CLCC1: variants seen among roughly 807,000 people sequenced by gnomAD.
The protein encoded by CLCC1 is chloride channel CLIC like 1, also known as chloride channel CLIC-like protein 1.
CLCC1 carries 39 observed loss-of-function variants against 63.3 expected under a neutral mutation model. The observed-to-expected ratio is 0.62, with a 90% confidence interval of 0.48 to 0.81. CLCC1 has a LOEUF of 0.81. CLCC1 is among the 30% of genes least tolerant of loss of function. CLCC1 has a pLI of 0.00. For missense variants in CLCC1, 549 were observed against 669.4 expected (o/e 0.82, Z 1.98); for synonymous variants, 217 against 239.8 (o/e 0.90, Z 0.88).
At chr1:108,962,261 C>A (rs1203094552) in intron 2 of CLCC1, 48 bp downstream of exon 2, 3 of 152,192 alleles carry the variant, frequency 2.0e-5, no homozygotes, top group Non-Finnish European at 4.4e-5. Flanking sequence ...AAGAAAAAGT[C>A]TTTGGTTTCA....
Position 108,929,647 on chromosome 1 carries a change from C to T in CLCC1, c.*2900G>A, listed in dbSNP as rs1651554359. ...GTTGTGACTGAGAGATTTAACATAG[C>T]TTGGTGCTTTCTTTCCCACAGTATG... is the stretch of plus-strand genomic sequence containing the variant. On this transcript the variant is annotated 3_prime_UTR_variant, in exon 13 of 13. Transcript: ENST00000369969. 3.2e-6 allele frequency: 5 copies of T among 1,561,842 alleles called. No homozygotes were observed. The East Asian group carries it at 1.1e-4, about 35-fold the overall frequency.
rs761238838 is a variant in CLCC1 at position 108,929,906 on chromosome 1, T to C, written c.*2641A>G. The C allele has an allele frequency of 1.2e-6, 2 of 1,613,744 alleles. No homozygotes were observed. On this transcript the variant is annotated 3_prime_UTR_variant, in exon 13 of 13. Coordinates refer to ENST00000369969, the MANE Select transcript of CLCC1 (RefSeq NM_001377458.1). Reference sequence around the variant, plus strand: ...TTGCAAAATAATGCTTTGTTGGAGTTTAAAAATTCAGGGAAAAAATCGGCA... The same window carrying C: ...TTGCAAAATAATGCTTTGTTGGAGTCTAAAAATTCAGGGAAAAAATCGGCA...
Position 108,937,127 on chromosome 1 carries a change from A to G in CLCC1, c.1333T>C (p.Phe445Leu). The G allele has an allele frequency of 6.5e-7, 1 of 1,531,920 alleles. No homozygotes were observed. Among genetic ancestry groups the G allele is most frequent in the Non-Finnish European group, 8.8e-7 (1 of 1,141,604 alleles). 94.9% of individuals were successfully genotyped at this position (1,531,920 alleles called of 1,614,324 possible). The stretch of plus-strand genomic sequence containing the variant: ...CGTGCCTCTGCGTCTGGTACATCAA[A>G]TGCCCGGAGCACTTCAGGGCTCTTG... ...GNKSPEVLRAFDVPDAEAREH... is the reference protein window; with the variant it reads ...GNKSPEVLRALDVPDAEAREH... Residue 445 changes from phenylalanine to leucine, a missense_variant, in exon 11 of 13, where the codon TTT becomes CTT. Transcript: ENST00000369969.
rs557331752 is a variant in CLCC1, at chr1:108,962,693, A to AC, written c.-172-225dup. 1.6e-4 allele frequency among the ~76,000 whole-genome samples: 24 copies of AC among 151,996 alleles called. No homozygotes were observed. In the South Asian group the frequency reaches 3.1e-3, roughly 20 times the overall value. On this transcript the variant is annotated intron_variant, in intron 1 of 12. Coordinates refer to ENST00000369969, the MANE Select transcript of CLCC1 (RefSeq NM_001377458.1). The stretch of plus-strand genomic sequence containing the variant: ...AGACAAGCCTGGACAACACAGGGAG[A>AC]CCCCTTCTCTACAAATAAAATTTAC...
At chr1:108,955,931 G>T in intron 2 of CLCC1, among the ~76,000 whole-genome samples, 1 of 151,468 alleles carries the variant, frequency 6.6e-6, no homozygotes. Flanking sequence ...ACTGAGCCAG[G>T]CTACTGGCCT....
chr1:108,960,704 G>C (rs1656506804), intron 2 of CLCC1, among the ~76,000 whole-genome samples: 2 of 152,186 alleles, frequency 1.3e-5, no homozygotes, highest in Admixed American at 6.5e-5. Context: ...AATATGATAT[G>C]AAGTGGACAG....
intron 2 of CLCC1, among the ~76,000 whole-genome samples, chr1:108,956,449 C>T (rs146158664): frequency 0.035 from 5,369 of 151,318 alleles, 162 homozygotes; most frequent in Middle Eastern, 0.085. Flanking sequence ...ATCACAAGGT[C>T]AGGAGATCGA....
intron 6 of CLCC1, 109 bp downstream of exon 6, chr1:108,943,727 T>G: frequency 6.8e-7 from 1 of 1,466,516 alleles, no homozygotes; most frequent in Admixed American, 1.9e-5. Context: ...TGTTCATCAA[T>G]ACGGTATAAG....
At chr1:108,935,218 A>C (rs777188812) in intron 11 of CLCC1, among the ~76,000 whole-genome samples, 1 of 152,188 alleles carries the variant, frequency 6.6e-6, no homozygotes, top group Non-Finnish European at 1.5e-5. Context: ...AGTATTGTCA[A>C]CTTCTCTTGC....
At chr1:108,939,182 CATATAT>C (rs10594082) in intron 10 of CLCC1, among the ~76,000 whole-genome samples, 3 of 140,084 alleles carry the variant, frequency 2.1e-5, no homozygotes, top group Non-Finnish European at 4.6e-5. Flanking sequence ...ACTGACAGTG[CATATAT>C]ATATATAAAT....
At chr1:108,933,650 A>G (rs112915755) in intron 12 of CLCC1, 4 of 152,372 alleles carry the variant, frequency 2.6e-5, no homozygotes, top group African/African-American at 9.6e-5. Context: ...AGGACACCTG[A>G]TGTCTGTGAA....
At position 108,947,150 on chromosome 1, in the gene CLCC1, C is replaced by T. The variant is rs150911375; in HGVS notation, c.339+461G>A. ...CGGTACTCCGGCCTGGACAACAGAG[C>T]GAGACTCTGTCTCAAAAAAAAAAGG... On this transcript the variant is annotated intron_variant, in intron 5 of 12. Transcript: ENST00000369969. Among the ~76,000 whole-genome samples, 224 of 151,574 alleles carry T rather than the reference C, an allele frequency of 1.5e-3. 1 individual carries two copies. The highest frequency in any genetic ancestry group is 4.8e-3 in the African/African-American group (199 of 41,304).
rs142406793 is a variant in CLCC1, at chr1:108,936,597, T to A, written c.1383+480A>T. On this transcript the variant is annotated intron_variant, in intron 11 of 12. Transcript: ENST00000369969. The stretch of plus-strand genomic sequence containing the variant: ...AAAAGACTGATAATGGTGAAAAACT[T>A]CTTCTTACCATTCTACAGGTAAAAA... Among the ~76,000 whole-genome samples the A allele has an allele frequency of 8.0e-4, 121 of 151,832 alleles. 1 individual carries two copies. Among genetic ancestry groups the A allele is most frequent in the African/African-American group, 2.8e-3 (115 of 41,104 alleles).
rs2101585614 is a variant in CLCC1, at chr1:108,931,001, A to G, written c.*1546T>C. 1 of 194,198 alleles carries G rather than the reference A, an allele frequency of 5.1e-6. No homozygotes were observed. The highest frequency in any genetic ancestry group is 1.6e-4 in the East Asian group (1 of 6,308). The allele number at this position is 194,198 out of a possible 1,614,324, so 12.0% of individuals were successfully genotyped here. On this transcript the variant is annotated 3_prime_UTR_variant, in exon 13 of 13. Coordinates refer to ENST00000369969, the MANE Select transcript of CLCC1 (RefSeq NM_001377458.1). Reference sequence around the variant, plus strand: ...CAGGAGGTGGAGGCTGCACTGAGCTATGATCGTGCCACTGCACTCCAGCCT... The same window carrying G: ...CAGGAGGTGGAGGCTGCACTGAGCTGTGATCGTGCCACTGCACTCCAGCCT...
chr1:108,956,971 TGAGG>T (rs1655999155), intron 2 of CLCC1, among the ~76,000 whole-genome samples: 1 of 146,394 alleles, frequency 6.8e-6, no homozygotes, highest in South Asian at 2.1e-4. Context: ...AGAAGCCACT[TGAGG>T]CTTTTAAATA....
intron 5 of CLCC1, among the ~76,000 whole-genome samples, chr1:108,946,019 G>GC (rs1654484317): frequency 6.6e-6 from 1 of 151,594 alleles, no homozygotes; most frequent in Non-Finnish European, 1.5e-5. Context: ...AAAAATATTA[G>GC]CCAGACGTGG....
At position 108,940,133 on chromosome 1, in the gene CLCC1, C is replaced by T. The variant is rs376757658; in HGVS notation, c.806G>A (p.Arg269Lys). The change falls in exon 9 of 13, where the codon AGA (arginine) becomes AAA (lysine). Residue 269 changes from arginine to lysine, a missense_variant. Physicochemically the swap from Arg to Lys is conservative, Grantham distance 26 (BLOSUM62 2). Transcript: ENST00000369969. ...GTCATCCTTATAGGTCCATGAACTT[C>T]TAAACCATTCTGTTTAGAGAAACAG... ...DWTGSIWEWF[R>K]SSWTYKDDPC... is the part of the protein sequence containing the mutation. 1 of 1,599,832 alleles carries T rather than the reference C, an allele frequency of 6.3e-7. No homozygotes were observed. The highest frequency in any genetic ancestry group is 1.7e-5 in the Admixed American group (1 of 59,474).
intron 2 of CLCC1, among the ~76,000 whole-genome samples, chr1:108,956,115 G>A (rs1318754688): frequency 6.6e-6 from 1 of 151,466 alleles, no homozygotes; most frequent in Non-Finnish European, 1.5e-5. Flanking sequence ...CCTCTTGGAA[G>A]CCAGCTGCCA....
intron 8 of CLCC1, 84 bp downstream of exon 8, chr1:108,941,321 G>A: frequency 4.8e-6 from 6 of 1,240,506 alleles, no homozygotes; most frequent in Non-Finnish European, 6.9e-6. Flanking sequence ...AAAGCCTCCT[G>A]TTATTTTATC....
Sources: allele counts gnomAD v4.1 joint callset (sites outside exome capture counted in the v4.1 genomes callset), GRCh38; gene constraint gnomAD v4.1.1; transcripts MANE v1.5; gene names NCBI Gene and HGNC (gene_info 2026-07-23, HGNC 2026-07-21).